Variants in PMS2 observed in about 807,000 individuals in gnomAD.
PMS2 encodes the protein mismatch repair endonuclease PMS2.
PMS2 carries 69 observed loss-of-function variants against 90.0 expected under a neutral mutation model. The observed-to-expected ratio is 0.77, with a 90% confidence interval of 0.63 to 0.94. The LOEUF is 0.94. Among genes scored for constraint, PMS2 ranks in the 40% least tolerant of loss-of-function variants. The pLI is 0.00. For synonymous variants in PMS2, 332 were observed against 375.1 expected (o/e 0.89, Z 1.33); for missense variants, 966 against 1,040.2 (o/e 0.93, Z 0.98).
chr7:5,986,197 TG>T (rs1296153070), intron 11 of PMS2, among the ~76,000 whole-genome samples: 2 of 145,922 alleles, frequency 1.4e-5, no homozygotes, highest in African/African-American at 4.9e-5. Flanking sequence ...GAACAGGATC[TG>T]GCCAGGCGCA....
At chr7:6,008,910 C>G (rs1382088134) in intron 1 of PMS2, 87 bp downstream of exon 1, 1 of 1,500,570 alleles carries the variant, frequency 6.7e-7, no homozygotes, top group Non-Finnish European at 9.3e-7. Context: ...CGGCCATGTT[C>G]CCCCCATTTC....
rs1400668368 is a variant in PMS2, at chr7:6,002,101, C to G, written c.537+352G>C. On this transcript the variant is annotated intron_variant, in intron 5 of 14. Transcript: ENST00000265849. ...CTTAAGTGCAGTGGCGCAATCATAG[C>G]TCACTGCAGCCTCAAGTTCCTGGGC... 1.8e-5 allele frequency: 5 copies of G among 281,268 alleles called. No homozygotes were observed. In the Admixed American group the frequency reaches 2.0e-4, roughly 11 times the overall value. 17.4% of individuals were successfully genotyped at this position (281,268 alleles called of 1,614,324 possible).
At chr7:5,977,896 G>C (rs1377673783) in intron 13 of PMS2, 139 bp from the exon 14 acceptor site, 2 of 1,333,874 alleles carry the variant, frequency 1.5e-6, no homozygotes, top group East Asian at 5.1e-5. Flanking sequence ...GAGGCCAGCG[G>C]ATCATGAGGT....
intron 12 of PMS2, among the ~76,000 whole-genome samples, chr7:5,980,960 T>C (rs1266958734): frequency 6.6e-6 from 1 of 151,280 alleles, no homozygotes; most frequent in East Asian, 1.9e-4. Flanking sequence ...CACAGGAGAG[T>C]ACTCAGCAAA....
chr7:6,000,969 C>T (rs1167054159), intron 5 of PMS2, among the ~76,000 whole-genome samples: 13 of 151,964 alleles, frequency 8.6e-5, no homozygotes, highest in South Asian at 2.1e-4. Flanking sequence ...CCAGCCTGGG[C>T]GACAGAGTGA....
chr7:5,986,726 A>G lies in PMS2; in HGVS notation c.2006+33T>C, dbSNP rs1370558747. On this transcript the variant is annotated intron_variant, in intron 11 of 14. Transcript: ENST00000265849. Reference sequence around the variant, plus strand: ...AAAAATAAAAATAAAAATTTTAGATAAAAAGAGAAAAAGTAAAAAATTAAA... The same window carrying G: ...AAAAATAAAAATAAAAATTTTAGATGAAAAGAGAAAAAGTAAAAAATTAAA... 6.1e-6 allele frequency: 9 copies of G among 1,480,100 alleles called. No homozygotes were observed. In the East Asian group the frequency reaches 1.9e-4, roughly 31 times the overall value. 91.7% of individuals were successfully genotyped at this position (1,480,100 alleles called of 1,614,324 possible).
intron 2 of PMS2, among the ~76,000 whole-genome samples, chr7:6,004,715 CAA>C (rs71008347): frequency 2.9e-4 from 28 of 96,488 alleles, no homozygotes; most frequent in Non-Finnish European, 2.6e-4. Context: ...AACTCTATCT[CAA>C]AAAAAAAAAA....
chr7:5,996,808 C>G (rs1420745483), intron 7 of PMS2, among the ~76,000 whole-genome samples: 1 of 152,008 alleles, frequency 6.6e-6, no homozygotes, highest in Non-Finnish European at 1.5e-5. Flanking sequence ...CAGAAAACCA[C>G]CTGAAATATA....
intron 8 of PMS2, among the ~76,000 whole-genome samples, chr7:5,995,328 C>A (rs189940318): frequency 6.6e-6 from 1 of 152,308 alleles, no homozygotes; most frequent in African/African-American, 2.4e-5. Context: ...TGAGCCACTG[C>A]GCCCGGACAG....
intron 4 of PMS2, among the ~76,000 whole-genome samples, chr7:6,003,149 C>T (rs1249099479): frequency 6.6e-6 from 1 of 151,694 alleles, no homozygotes; most frequent in Non-Finnish European, 1.5e-5. Context: ...CAAAAATTAG[C>T]CAGGAGTGGT....
intron 2 of PMS2, 62 bp downstream of exon 2, chr7:6,005,830 T>C (rs2128842597): frequency 2.5e-6 from 4 of 1,608,158 alleles, no homozygotes; most frequent in Non-Finnish European, 3.4e-6. Context: ...ATAACAAATG[T>C]TTCTTAACTA....
At position 6,002,956 on chromosome 7, in the gene PMS2, C is replaced by T. The variant is rs1288039397; in HGVS notation, c.354-320G>A. On this transcript the variant is annotated intron_variant, in intron 4 of 14. Transcript: ENST00000265849. ...ACAGATTTGTTTTGTTATTACTCTT[C>T]GAACAAATTTTTTTTAAAGAATCTA... 7.9e-5 allele frequency among the ~76,000 whole-genome samples: 12 copies of T among 152,168 alleles called. 1 individual carries two copies. In the South Asian group the frequency reaches 1.0e-3, roughly 13 times the overall value.
In PMS2 at chr7:5,999,067, C is replaced by T. The variant is rs750096561; in HGVS notation, c.705+41G>A. The stretch of plus-strand genomic sequence containing the variant: ...GGACAATGGAAACCCGCTATAATCA[C>T]TAGAGCAATAAGAGGCGTTGAAGTA... On this transcript the variant is annotated intron_variant, in intron 6 of 14. Transcript: ENST00000265849. The T allele has an allele frequency of 3.4e-5, 54 of 1,570,882 alleles. No homozygotes were observed. The highest frequency in any genetic ancestry group is 4.5e-5 in the East Asian group (2 of 44,692).
At chr7:6,004,346 T>C in intron 2 of PMS2, 1 of 299,594 alleles carries the variant, frequency 3.3e-6, no homozygotes, top group South Asian at 4.2e-5. Flanking sequence ...TAACTGGTGG[T>C]GATCAATTAG....
At chr7:5,998,067 T>C (rs1331266882) in intron 6 of PMS2, among the ~76,000 whole-genome samples, 1 of 150,870 alleles carries the variant, frequency 6.6e-6, no homozygotes, top group African/African-American at 2.4e-5. Context: ...ATTTTTGTGA[T>C]AGGTACTTTG....
chr7:5,988,866 G>GT (rs1327720915), intron 10 of PMS2, among the ~76,000 whole-genome samples: 3 of 151,778 alleles, frequency 2.0e-5, no homozygotes, highest in Admixed American at 6.6e-5. Context: ...TTGTTTGTCT[G>GT]TTTTTTTGAG....
rs1326865470 is a variant in PMS2 at position 6,004,004 on chromosome 7, C to T, written c.218G>A (p.Cys73Tyr). 4 of 1,605,486 alleles carry T rather than the reference C, an allele frequency of 2.5e-6. No homozygotes were observed. Among genetic ancestry groups the T allele is most frequent in the Non-Finnish European group, 3.4e-6 (4 of 1,173,944 alleles). ...VDLIEVSDNGCGVEEENFEGL... is the reference protein window; with the variant it reads ...VDLIEVSDNGYGVEEENFEGL... Reference sequence around the variant, plus strand: ...TTCGAAGTTTTCTTCTTCTACCCCACATCCATTGTCTGAAACTTCAATAAG... The same window carrying T: ...TTCGAAGTTTTCTTCTTCTACCCCATATCCATTGTCTGAAACTTCAATAAG... The change falls in exon 3 of 15, where the codon TGT becomes TAT. Residue 73 changes from cysteine to tyrosine, a missense_variant. Around this residue, in one of 2 missense-constraint regions of PMS2, gnomAD observed 871 missense variants for 802.4 expected, o/e 1.09. Coordinates refer to ENST00000265849, the MANE Select transcript of PMS2 (RefSeq NM_000535.7).
At chr7:6,002,338 G>C in intron 5 of PMS2, 115 bp downstream of exon 5, 1 of 756,672 alleles carries the variant, frequency 1.3e-6, no homozygotes, top group Non-Finnish European at 2.3e-6. Context: ...TGCAAATAAA[G>C]CATTTCTCAA....
chr7:5,998,963 C>G lies in PMS2; in HGVS notation c.705+145G>C, dbSNP rs566077875. On this transcript the variant is annotated intron_variant, in intron 6 of 14. Transcript: ENST00000265849. Reference sequence around the variant, plus strand: ...CAAGACAACACCACTGCACTCCAGCCTGGGCAGCAGTGCGAGACTCCCTCT... The same window carrying G: ...CAAGACAACACCACTGCACTCCAGCGTGGGCAGCAGTGCGAGACTCCCTCT... 2.0e-5 allele frequency: 15 copies of G among 758,186 alleles called. No homozygotes were observed. In the South Asian group the frequency reaches 2.1e-4, roughly 11 times the overall value. 47.0% of individuals were successfully genotyped at this position (758,186 alleles called of 1,614,324 possible).
Sources: gnomAD v4.1 joint callset for allele counts (sites outside exome capture counted in the v4.1 genomes callset) on GRCh38, gnomAD v4.1.1 for gene constraint, gnomAD v4.1.1 regional missense constraint, MANE v1.5 for transcripts, NCBI Gene and HGNC (gene_info 2026-07-23, HGNC 2026-07-21) for gene names.